The following OSBP2 variants were observed in gnomAD, a reference collection of about 807,000 sequenced individuals.
The protein encoded by OSBP2 is oxysterol binding protein 2.
OSBP2 carries 66 observed loss-of-function variants against 96.0 expected under a neutral mutation model. That is an observed-to-expected ratio of 0.69 (90% CI 0.56 to 0.84). OSBP2 has a LOEUF of 0.84. Ranked by LOEUF, OSBP2 falls within the 40% of genes least tolerant of loss-of-function variation. The probability of loss-of-function intolerance (pLI) is 0.00; values close to 1 mark genes in which losing one functional copy is unlikely to be tolerated. For missense variants in OSBP2, 1,038 were observed against 1,222.7 expected, an observed-to-expected ratio of 0.85 and a Z score of 2.25; for synonymous variants, 525 against 520.9, an observed-to-expected ratio of 1.01 and a Z score of -0.11.
At chr22:30,887,690 C>T in intron 4 of OSBP2, 72 bp downstream of exon 4, 2 of 1,281,824 alleles carry the variant, frequency 1.6e-6, no homozygotes, top group Non-Finnish European at 2.2e-6. Context: ...AACTTCTGCG[C>T]CCCCACATGC....
intron 2 of OSBP2, among the ~76,000 whole-genome samples, chr22:30,836,907 G>A (rs981762077): frequency 2.6e-5 from 4 of 152,112 alleles, no homozygotes; most frequent in African/African-American, 9.7e-5. Flanking sequence ...CACATGACAG[G>A]TTCTCCGTCA....
chr22:30,841,602 T>C (rs151314232), intron 2 of OSBP2, among the ~76,000 whole-genome samples: 3 of 152,348 alleles, frequency 2.0e-5, no homozygotes, highest in East Asian at 1.9e-4. Context: ...GTCACATGAA[T>C]TTTTTGGTTT....
chr22:30,882,162 G>C (rs1035378285), intron 3 of OSBP2, among the ~76,000 whole-genome samples: 2 of 152,178 alleles, frequency 1.3e-5, no homozygotes, highest in Admixed American at 1.3e-4. Flanking sequence ...TGGGGCTAAG[G>C]GTGCTGGGAG....
At chr22:30,872,652 A>C (rs1294312218) in intron 3 of OSBP2, 5 of 349,914 alleles carry the variant, frequency 1.4e-5, no homozygotes, top group Non-Finnish European at 5.6e-6. Context: ...TGCTGGTGTT[A>C]GCCTGCCATG....
intron 2 of OSBP2, among the ~76,000 whole-genome samples, chr22:30,827,145 G>A (rs1481481811): frequency 6.6e-6 from 1 of 152,178 alleles, no homozygotes; most frequent in African/African-American, 2.4e-5. Flanking sequence ...AGGACCTCAT[G>A]ATGGGTGAGA....
intron 1 of OSBP2, among the ~76,000 whole-genome samples, chr22:30,739,125 T>C (rs2089898236): frequency 6.6e-6 from 1 of 152,210 alleles, no homozygotes. Context: ...GATCCAGTCA[T>C]GATAGTTGGA....
At chr22:30,904,221 C>G (rs777153805) in intron 12 of OSBP2, among the ~76,000 whole-genome samples, 4 of 152,228 alleles carry the variant, frequency 2.6e-5, no homozygotes, top group Non-Finnish European at 4.4e-5. Flanking sequence ...TGGTCACCAG[C>G]TGTCATCCTT....
At chr22:30,699,921 T>G (rs1354373048) in intron 1 of OSBP2, among the ~76,000 whole-genome samples, 2 of 152,148 alleles carry the variant, frequency 1.3e-5, no homozygotes, top group African/African-American at 4.8e-5. Context: ...CACTTCTTTC[T>G]GACAATGTGC....
chr22:30,735,803 A>T (rs1388904420), intron 1 of OSBP2, among the ~76,000 whole-genome samples: 1 of 151,488 alleles, frequency 6.6e-6, no homozygotes, highest in Admixed American at 6.6e-5. Flanking sequence ...TCTCACTGCA[A>T]CCTCCTTCTC....
chr22:30,732,807 C>T (rs1448011181), intron 1 of OSBP2, among the ~76,000 whole-genome samples: 5 of 152,186 alleles, frequency 3.3e-5, no homozygotes, highest in African/African-American at 9.7e-5. Flanking sequence ...TCGGTGTCCC[C>T]GCTAAGCCAG....
At chr22:30,756,894 C>T (rs1267224216) in intron 2 of OSBP2, among the ~76,000 whole-genome samples, 1 of 152,108 alleles carries the variant, frequency 6.6e-6, no homozygotes, top group Non-Finnish European at 1.5e-5. Context: ...TTGCTGAGCA[C>T]ACGTACACAT....
At chr22:30,764,927 T>A (rs966591521) in intron 2 of OSBP2, among the ~76,000 whole-genome samples, 116 of 152,160 alleles carry the variant, frequency 7.6e-4, no homozygotes, top group Non-Finnish European at 8.8e-5. Flanking sequence ...CTCTCTTACT[T>A]TGAGGGACAT....
chr22:30,768,867 C>T (rs1185328060), intron 2 of OSBP2, among the ~76,000 whole-genome samples: 1 of 152,194 alleles, frequency 6.6e-6, no homozygotes, highest in Non-Finnish European at 1.5e-5. Flanking sequence ...TGTTAACCTT[C>T]ACGTGGATCT....
At chr22:30,737,358 C>T (rs113512859) in intron 1 of OSBP2, among the ~76,000 whole-genome samples, 1 of 134,112 alleles carries the variant, frequency 7.5e-6, no homozygotes, top group Non-Finnish European at 1.5e-5. Context: ...GGGTCTCACT[C>T]TGTCACTCAG....
intron 2 of OSBP2, among the ~76,000 whole-genome samples, chr22:30,863,481 CTG>C (rs1159456884): frequency 6.6e-6 from 1 of 152,184 alleles, no homozygotes; most frequent in Non-Finnish European, 1.5e-5. Flanking sequence ...CATAGCCAGA[CTG>C]TGACAAAATA....
intron 3 of OSBP2, among the ~76,000 whole-genome samples, chr22:30,872,996 C>T (rs2039490830): frequency 6.6e-6 from 1 of 152,158 alleles, no homozygotes; most frequent in Non-Finnish European, 1.5e-5. Flanking sequence ...AGGTGTTGGA[C>T]CAGGGCTCTG....
At chr22:30,794,706 A>G (rs1212963859) in intron 2 of OSBP2, among the ~76,000 whole-genome samples, 2 of 151,174 alleles carry the variant, frequency 1.3e-5, no homozygotes, top group Non-Finnish European at 2.9e-5. Flanking sequence ...CTGAGGTGGA[A>G]GGATCACCTA....
At chr22:30,840,515 G>A (rs1001444672) in intron 2 of OSBP2, among the ~76,000 whole-genome samples, 2 of 152,128 alleles carry the variant, frequency 1.3e-5, no homozygotes, top group Non-Finnish European at 2.9e-5. Flanking sequence ...GGGGTGGGGA[G>A]TGGTAAAATC....
At chr22:30,811,856 A>ATT (rs765755360) in intron 2 of OSBP2, among the ~76,000 whole-genome samples, 1,413 of 135,284 alleles carry the variant, frequency 0.01, 12 homozygotes, top group Middle Eastern at 0.036. Flanking sequence ...CGCCCGGCCT[A>ATT]TTTTTTTTTT....
Sources: gnomAD v4.1 joint callset for allele counts (sites outside exome capture counted in the v4.1 genomes callset) on GRCh38, gnomAD v4.1.1 for gene constraint, MANE v1.5 for transcripts, NCBI Gene and HGNC (gene_info 2026-07-23, HGNC 2026-07-21) for gene names.